Variants in PALM2AKAP2 observed in about 807,000 individuals in gnomAD.
PALM2AKAP2 encodes the protein PALM2 and AKAP2 fusion.
In PALM2AKAP2, 37 loss-of-function variants were observed where a neutral mutation model predicts 71.5. The observed-to-expected ratio is 0.52, with a 90% CI of 0.40 to 0.68. PALM2AKAP2 has a LOEUF of 0.68. PALM2AKAP2 is among the 30% of genes least tolerant of loss of function. PALM2AKAP2 has a pLI of 0.00. For missense variants in PALM2AKAP2, 1,224 were observed against 1,191.8 expected, an observed-to-expected ratio of 1.03 and a Z score of -0.40; for synonymous variants, 468 against 478.8, an observed-to-expected ratio of 0.98 and a Z score of 0.29.
At chr9:109,786,838 G>T (rs73531288) in intron 1 of PALM2AKAP2, among the ~76,000 whole-genome samples, 9,473 of 152,256 alleles carry the variant, frequency 0.062, 412 homozygotes, top group East Asian at 0.13. Context: ...AGTGAGGGGG[G>T]TTGTGGGTTA....
At chr9:109,914,833 G>T (rs1486670443) in intron 3 of PALM2AKAP2, among the ~76,000 whole-genome samples, 1 of 152,204 alleles carries the variant, frequency 6.6e-6, no homozygotes. Context: ...GAATATGCTG[G>T]TCTTGCGTAA....
intron 2 of PALM2AKAP2, among the ~76,000 whole-genome samples, chr9:110,141,333 G>A (rs1018949497): frequency 2.0e-5 from 3 of 152,014 alleles, no homozygotes; most frequent in South Asian, 4.2e-4. Flanking sequence ...TAATTCATCC[G>A]TGCAAGTCTG....
intron 3 of PALM2AKAP2, 65 bp from the exon 10 acceptor site, chr9:110,162,029 C>G: frequency 1.3e-6 from 2 of 1,588,712 alleles, no homozygotes; most frequent in Non-Finnish European, 1.7e-6. Flanking sequence ...CTGTTCCCGG[C>G]TAGGGGGTGT....
chr9:110,114,756 A>G (rs1022617533), intron 1 of PALM2AKAP2, among the ~76,000 whole-genome samples: 35 of 152,336 alleles, frequency 2.3e-4, no homozygotes, highest in Admixed American at 8.5e-4. Context: ...AGGATGAAGC[A>G]GAGGCTTTGC....
chr9:109,975,129 G>T (rs1832148758), intron 6 of PALM2AKAP2, among the ~76,000 whole-genome samples: 1 of 152,114 alleles, frequency 6.6e-6, no homozygotes, highest in Admixed American at 6.6e-5. Flanking sequence ...CCAATAAGAT[G>T]TATGTAGACA....
intron 1 of PALM2AKAP2, 29 bp from the exon 2 acceptor site, chr9:109,867,462 C>T (rs1425003911): frequency 6.2e-7 from 1 of 1,608,802 alleles, no homozygotes; most frequent in Non-Finnish European, 8.5e-7. Flanking sequence ...CCCACCCACT[C>T]TTACAGCCTC....
chr9:110,135,791 T>C lies in PALM2AKAP2; in HGVS notation c.157-336T>C, dbSNP rs2119096840. Among the ~76,000 whole-genome samples the C allele has an allele frequency of 3.3e-5, 5 of 152,346 alleles. 1 individual carries two copies. Among genetic ancestry groups the C allele is most frequent in the Admixed American group, 3.3e-4 (5 of 15,306 alleles). ...CAAAAGGACCTTCTTTTTGCAATCCTATTAATAGTCGTATTGCACAGCCTG... is the reference window on the plus strand; with the variant it reads ...CAAAAGGACCTTCTTTTTGCAATCCCATTAATAGTCGTATTGCACAGCCTG... On this transcript the variant is annotated intron_variant, in intron 1 of 3. Coordinates refer to ENST00000374525, the Ensembl canonical transcript of PALM2AKAP2.
chr9:109,835,158 G>A (rs1015999657), intron 1 of PALM2AKAP2, among the ~76,000 whole-genome samples: 4 of 151,594 alleles, frequency 2.6e-5, no homozygotes, highest in Non-Finnish European at 4.4e-5. Flanking sequence ...CAGAGGTGGA[G>A]GGAAAGAGGA....
intron 1 of PALM2AKAP2, chr9:110,090,514 T>C: frequency 2.2e-6 from 1 of 448,080 alleles, no homozygotes; most frequent in South Asian, 1.6e-5. Context: ...TCTCTTTTAT[T>C]CTTCAGGGAC....
At chr9:110,041,244 ACAGGT>A (rs150578973) in intron 7 of PALM2AKAP2, among the ~76,000 whole-genome samples, 3,955 of 151,422 alleles carry the variant, frequency 0.026, 155 homozygotes, top group African/African-American at 0.085. Context: ...TCTTTCCAAC[ACAGGT>A]CTTCCCATGC....
intron 1 of PALM2AKAP2, chr9:109,760,422 C>T (rs1829032724): frequency 6.6e-6 from 1 of 152,152 alleles, no homozygotes; most frequent in South Asian, 2.1e-4. Context: ...CCAACGTCTC[C>T]AGCATTTTGT....
chr9:109,703,255 A>G (rs1014594590), intron 1 of PALM2AKAP2, among the ~76,000 whole-genome samples: 1 of 152,366 alleles, frequency 6.6e-6, no homozygotes, highest in Admixed American at 6.5e-5. Flanking sequence ...TGTATTCAGC[A>G]TGATATAACT....
At chr9:109,969,778 A>T (rs1449440417) in intron 6 of PALM2AKAP2, among the ~76,000 whole-genome samples, 3 of 151,758 alleles carry the variant, frequency 2.0e-5, no homozygotes, top group African/African-American at 7.3e-5. Context: ...GCACTCCCAC[A>T]TCCTCACCCC....
chr9:109,859,463 C>T (rs972246161), intron 1 of PALM2AKAP2, among the ~76,000 whole-genome samples: 11 of 152,102 alleles, frequency 7.2e-5, no homozygotes, highest in African/African-American at 2.2e-4. Context: ...GATAAATACA[C>T]GAGATGGTGG....
chr9:109,857,024 A>G (rs1236185453), intron 1 of PALM2AKAP2, among the ~76,000 whole-genome samples: 2 of 152,136 alleles, frequency 1.3e-5, no homozygotes, highest in Non-Finnish European at 2.9e-5. Flanking sequence ...CGAGCAGCCA[A>G]TGGGACTGCT....
intron 1 of PALM2AKAP2, among the ~76,000 whole-genome samples, chr9:110,061,629 A>T (rs890659781): frequency 2.7e-5 from 4 of 148,046 alleles, no homozygotes; most frequent in Non-Finnish European, 4.5e-5. Context: ...TAAAATATAT[A>T]TATTTATTTA....
At chr9:110,060,625 G>A (rs183510301) in intron 1 of PALM2AKAP2, among the ~76,000 whole-genome samples, 138 of 149,598 alleles carry the variant, frequency 9.2e-4, no homozygotes, top group African/African-American at 3.4e-3. Context: ...TGTTTTAGAT[G>A]GAATCTCACT....
chr9:109,825,999 T>C (rs1587937664), intron 1 of PALM2AKAP2, among the ~76,000 whole-genome samples: 1 of 152,046 alleles, frequency 6.6e-6, no homozygotes, highest in South Asian at 2.1e-4. Context: ...ATTAAGAAAA[T>C]GTGGCACATA....
At chr9:109,644,134 G>A (rs1472354856) in intron 1 of PALM2AKAP2, among the ~76,000 whole-genome samples, 1 of 152,134 alleles carries the variant, frequency 6.6e-6, no homozygotes, top group Non-Finnish European at 1.5e-5. Context: ...GTACAACACT[G>A]GGGATTACAT....
Sources: allele counts gnomAD v4.1 joint callset (sites outside exome capture counted in the v4.1 genomes callset), GRCh38; gene constraint gnomAD v4.1.1; transcripts MANE v1.5; gene names NCBI Gene and HGNC (gene_info 2026-07-23, HGNC 2026-07-21).